Variants in NTRK3 observed in about 807,000 individuals in gnomAD.
NTRK3 encodes the protein neurotrophic receptor tyrosine kinase 3.
Under a neutral mutation model 91.7 loss-of-function variants are expected in NTRK3, and 24 were observed. The observed-to-expected ratio is 0.26, with a 90% confidence interval of 0.19 to 0.37. NTRK3 has a LOEUF of 0.37. NTRK3 is among the 10% of genes least tolerant of loss of function. The pLI is 1.00. For synonymous variants in NTRK3, 483 were observed against 404.0 expected (o/e 1.20, Z -2.34); for missense variants, 880 against 1,068.9 (o/e 0.82, Z 2.46).
intron 14 of NTRK3, among the ~76,000 whole-genome samples, chr15:87,995,738 C>T (rs552560608): frequency 6.6e-6 from 1 of 152,250 alleles, no homozygotes; most frequent in South Asian, 2.1e-4. Context: ...AAGAGACAGA[C>T]AGTAAATATT....
chr15:87,871,851 A>G (rs919964499), exon 19 of NTRK3: 1 of 222,044 alleles, frequency 4.5e-6, no homozygotes, highest in African/African-American at 2.2e-5. Context: ...TTTAGAAGAC[A>G]CTCCCAGTAT....
intron 13 of NTRK3, among the ~76,000 whole-genome samples, chr15:88,093,066 T>A (rs1248984354): frequency 6.7e-6 from 1 of 149,494 alleles, no homozygotes; most frequent in African/African-American, 2.5e-5. Flanking sequence ...GTTTTTTTTG[T>A]TTTTTTTGTT....
intron 5 of NTRK3, among the ~76,000 whole-genome samples, chr15:88,167,675 C>T (rs530106464): frequency 6.6e-6 from 1 of 152,222 alleles, no homozygotes; most frequent in African/African-American, 2.4e-5. Context: ...TCAGTGGACC[C>T]TCAGAACAAC....
At chr15:87,911,871 CATG>C (rs1340055612) in intron 17 of NTRK3, among the ~76,000 whole-genome samples, 1 of 152,204 alleles carries the variant, frequency 6.6e-6, no homozygotes, top group African/African-American at 2.4e-5. Context: ...TGAAATAAGG[CATG>C]AATACTGCCC....
At chr15:87,935,017 G>A (rs1381917171) in intron 15 of NTRK3, among the ~76,000 whole-genome samples, 1 of 152,154 alleles carries the variant, frequency 6.6e-6, no homozygotes. Flanking sequence ...CCATTTTACA[G>A]ATGAGATAAC....
intron 14 of NTRK3, among the ~76,000 whole-genome samples, chr15:88,020,445 T>C (rs1328719908): frequency 2.0e-5 from 3 of 152,158 alleles, no homozygotes; most frequent in African/African-American, 7.2e-5. Context: ...AAGAAGTCGC[T>C]GGAGGGGATT....
chr15:88,153,406 C>A (rs956584523), intron 5 of NTRK3, among the ~76,000 whole-genome samples: 1 of 152,028 alleles, frequency 6.6e-6, no homozygotes, highest in Non-Finnish European at 1.5e-5. Flanking sequence ...CCACTCCCAG[C>A]TAATTTTTTG....
intron 5 of NTRK3, among the ~76,000 whole-genome samples, chr15:88,176,707 C>A (rs149561794): frequency 6.4e-4 from 97 of 152,270 alleles, no homozygotes; most frequent in African/African-American, 2.1e-3. Flanking sequence ...CAAATCACTA[C>A]CAATCACTTG....
chr15:88,170,843 G>T (rs2045443701), intron 5 of NTRK3, among the ~76,000 whole-genome samples: 1 of 152,126 alleles, frequency 6.6e-6, no homozygotes, highest in Non-Finnish European at 1.5e-5. Flanking sequence ...CTGATGATCA[G>T]CAAAGCCTCA....
At chr15:88,050,630 T>C (rs765601362) in intron 13 of NTRK3, among the ~76,000 whole-genome samples, 3 of 152,160 alleles carry the variant, frequency 2.0e-5, no homozygotes, top group Admixed American at 6.5e-5. Context: ...GGCTATGCTT[T>C]CCTGTGCTTT....
chr15:87,957,990 G>A (rs1016293991), intron 14 of NTRK3, among the ~76,000 whole-genome samples: 1 of 152,150 alleles, frequency 6.6e-6, no homozygotes, highest in Non-Finnish European at 1.5e-5. Flanking sequence ...TATAAGCTTG[G>A]GGGTGGCCTG....
intron 16 of NTRK3, 40 bp from the exon 17 acceptor site, chr15:87,929,474 T>A (rs2141917758): frequency 6.2e-7 from 1 of 1,609,094 alleles, no homozygotes. Flanking sequence ...CAGAGAGAAA[T>A]CAGGAGATCA....
exon 19 of NTRK3, chr15:87,872,982 C>A: frequency 4.3e-6 from 1 of 233,086 alleles, no homozygotes; most frequent in East Asian, 6.0e-5. Flanking sequence ...GTCTTTTCAC[C>A]CTGCCACTTT....
chr15:88,095,299 A>G (rs545909773), intron 13 of NTRK3, among the ~76,000 whole-genome samples: 2 of 152,368 alleles, frequency 1.3e-5, no homozygotes, highest in South Asian at 2.1e-4. Context: ...AGCCCACTCT[A>G]TTCTCACCAA....
chr15:88,126,317 G>A (rs1398391588), exon 13 of NTRK3: 7 of 1,613,992 alleles, frequency 4.3e-6, no homozygotes, highest in Non-Finnish European at 5.9e-6. Flanking sequence ...TGATCATGAC[G>A]AAGAGAACCA....
chr15:88,189,309 T>TGCTTCATA (rs2047198418), intron 3 of NTRK3, among the ~76,000 whole-genome samples: 1 of 152,220 alleles, frequency 6.6e-6, no homozygotes, highest in Admixed American at 6.5e-5. Context: ...CACAGATAGC[T>TGCTTCATA]GCTTCATAGC....
intron 14 of NTRK3, among the ~76,000 whole-genome samples, chr15:87,957,179 T>C: frequency 1.3e-4 from 1 of 7,416 alleles, no homozygotes; most frequent in South Asian, 8.5e-3. Context: ...GGTATAATAA[T>C]ACTAGAGCGA....
In NTRK3 at chr15:88,237,248, T is replaced by G. The variant is rs979256509; in HGVS notation, c.248+18658A>C. Among the ~76,000 whole-genome samples, 1 of 152,140 alleles carries G rather than the reference T, an allele frequency of 6.6e-6. No homozygotes were observed. Among genetic ancestry groups the G allele is most frequent in the Non-Finnish European group, 1.5e-5 (1 of 68,036 alleles). On this transcript the variant is annotated intron_variant, in intron 3 of 18. Coordinates refer to ENST00000394480, the Ensembl canonical transcript of NTRK3. The surrounding 1 kb of genome is among the most constrained non-coding windows in gnomAD (Gnocchi z 4.0). The stretch of plus-strand genomic sequence containing the variant: ...AGTTTTATGGATGTTCACAGCAAAA[T>G]TTTCAACTTCTCTGTATGTTTGAGG...
At chr15:88,206,521 G>C (rs1453294924) in intron 3 of NTRK3, among the ~76,000 whole-genome samples, 4 of 150,730 alleles carry the variant, frequency 2.7e-5, no homozygotes, top group East Asian at 2.0e-4. Flanking sequence ...AGCCGGGCGC[G>C]GTGGCGGGCG....
Sources: gnomAD v4.1 joint callset for allele counts (sites outside exome capture counted in the v4.1 genomes callset) on GRCh38, gnomAD v4.1.1 for gene constraint, Gnocchi (gnomAD v3.1) non-coding constraint, MANE v1.5 for transcripts, NCBI Gene and HGNC (gene_info 2026-07-23, HGNC 2026-07-21) for gene names.